The following TDRD9 variants were observed in gnomAD, a reference collection of about 807,000 sequenced individuals.
TDRD9 encodes the protein tudor domain containing 9.
TDRD9 carries 124 observed loss-of-function variants against 172.6 expected under a neutral mutation model. That is an observed-to-expected ratio of 0.72 (90% CI 0.62 to 0.83). The LOEUF (loss-of-function observed/expected upper bound fraction) is 0.83, where lower values mean the gene tolerates loss of function less well. Ranked by LOEUF, TDRD9 falls within the 40% of genes least tolerant of loss-of-function variation. The pLI is 0.00. For missense variants in TDRD9, 1,479 were observed against 1,714.1 expected (o/e 0.86, Z 2.42); for synonymous variants, 619 against 617.1 (o/e 1.00, Z -0.05).
At chr14:104,047,179 T>G (rs1270803497) in intron 34 of TDRD9, among the ~76,000 whole-genome samples, 2 of 152,256 alleles carry the variant, frequency 1.3e-5, no homozygotes, top group African/African-American at 4.8e-5. Context: ...AATACTGTTT[T>G]AGAATTTTCA....
At chr14:104,030,546 T>C (rs1337519121) in intron 28 of TDRD9, among the ~76,000 whole-genome samples, 1 of 152,248 alleles carries the variant, frequency 6.6e-6, no homozygotes, top group African/African-American at 2.4e-5. Context: ...TTTATTTCTC[T>C]TAAATTCTCT....
At chr14:103,976,367 A>G (rs1260276093) in intron 7 of TDRD9, among the ~76,000 whole-genome samples, 1 of 150,598 alleles carries the variant, frequency 6.6e-6, no homozygotes, top group Admixed American at 6.6e-5. Context: ...TCTGCCTTCC[A>G]GGTTCACACC....
chr14:104,036,916 A>T (rs2035466794), intron 32 of TDRD9, among the ~76,000 whole-genome samples: 1 of 151,562 alleles, frequency 6.6e-6, no homozygotes, highest in African/African-American at 2.4e-5. Flanking sequence ...GGCCTGGTTG[A>T]TTTTCCTCCA....
intron 30 of TDRD9, among the ~76,000 whole-genome samples, chr14:104,032,412 G>T (rs1199796346): frequency 6.6e-6 from 1 of 152,042 alleles, no homozygotes; most frequent in African/African-American, 2.4e-5. Context: ...TCACCACGTT[G>T]GTCAGGCTGG....
At chr14:103,970,872 T>C (rs1271895432) in intron 6 of TDRD9, among the ~76,000 whole-genome samples, 1 of 152,260 alleles carries the variant, frequency 6.6e-6, no homozygotes, top group Non-Finnish European at 1.5e-5. Context: ...GTAAATGCCA[T>C]GTAAATAGTT....
At chr14:103,939,401 T>A (rs932276246) in intron 1 of TDRD9, among the ~76,000 whole-genome samples, 2 of 152,206 alleles carry the variant, frequency 1.3e-5, no homozygotes, top group Non-Finnish European at 2.9e-5. Context: ...TAAGCAGTTG[T>A]GTACTTTTCG....
intron 35 of TDRD9, among the ~76,000 whole-genome samples, chr14:104,050,639 G>A (rs775819477): frequency 2.0e-5 from 3 of 152,120 alleles, no homozygotes; most frequent in Non-Finnish European, 4.4e-5. Context: ...TGTGAGGCTC[G>A]CCTGCTCCCC....
In TDRD9 at chr14:104,026,073, G is replaced by A. The variant is rs1410064746; in HGVS notation, c.2958G>A (p.Lys986=). The A allele has an allele frequency of 1.2e-6, 2 of 1,610,802 alleles. No homozygotes were observed. The highest frequency in any genetic ancestry group is 2.2e-5 in the South Asian group (2 of 90,976). ...AEVFFVDYGN[K]SHVDLHLLME... ...TATTCTTTGTAGATTATGGCAATAA[G>A]TCTCATGTAGATCTACATCTTTTGA... The change falls in exon 27 of 36, where the codon AAG becomes AAA. Residue 986 remains lysine, a synonymous_variant. Coordinates refer to ENST00000409874, the MANE Select transcript of TDRD9 (RefSeq NM_153046.3).
chr14:104,030,141 A>C (rs1460671477), intron 28 of TDRD9, among the ~76,000 whole-genome samples: 1 of 152,192 alleles, frequency 6.6e-6, no homozygotes, highest in East Asian at 1.9e-4. Flanking sequence ...CATACAAAAA[A>C]GTCCTGTAAA....
At chr14:104,018,324 G>A in intron 23 of TDRD9, 132 bp downstream of exon 23, 2 of 585,610 alleles carry the variant, frequency 3.4e-6, no homozygotes, top group Non-Finnish European at 6.0e-6. Context: ...TTGGCTTTCA[G>A]AATGTAGCTT....
intron 35 of TDRD9, among the ~76,000 whole-genome samples, chr14:104,050,683 C>T (rs2035912831): frequency 6.6e-6 from 1 of 152,170 alleles, no homozygotes; most frequent in Non-Finnish European, 1.5e-5. Flanking sequence ...CTTTAGAGAC[C>T]CCAAGGCTGA....
chr14:103,983,807 C>T (rs1336392548), intron 7 of TDRD9, among the ~76,000 whole-genome samples: 3 of 152,124 alleles, frequency 2.0e-5, no homozygotes, highest in African/African-American at 7.2e-5. Context: ...TTTGGAGGGC[C>T]TAGAAGGAGA....
intron 1 of TDRD9, among the ~76,000 whole-genome samples, chr14:103,951,698 T>C (rs991884188): frequency 6.6e-6 from 1 of 152,256 alleles, no homozygotes; most frequent in Non-Finnish European, 1.5e-5. Flanking sequence ...TCTCTGGTAC[T>C]AGCTACTAAT....
At chr14:104,011,756 C>T (rs888839980) in intron 20 of TDRD9, among the ~76,000 whole-genome samples, 1 of 152,110 alleles carries the variant, frequency 6.6e-6, no homozygotes, top group African/African-American at 2.4e-5. Flanking sequence ...TTTGTGTACT[C>T]TCATTGTTTC....
At chr14:103,946,367 A>G (rs181523358) in intron 1 of TDRD9, among the ~76,000 whole-genome samples, 1 of 152,246 alleles carries the variant, frequency 6.6e-6, no homozygotes, top group Admixed American at 6.5e-5. Context: ...GTTCATATTA[A>G]AAACTCTCAA....
chr14:103,953,029 C>T (rs554333351), intron 1 of TDRD9, among the ~76,000 whole-genome samples: 7 of 152,238 alleles, frequency 4.6e-5, no homozygotes, highest in South Asian at 4.1e-4. Context: ...CGTGAGCCAC[C>T]GTGCCCAGCC....
At position 104,006,694 on chromosome 14, in the gene TDRD9, A is replaced by T; in HGVS notation, c.1928A>T (p.His643Leu). 1 of 1,613,986 alleles carries T rather than the reference A, an allele frequency of 6.2e-7. No homozygotes were observed. Among genetic ancestry groups the T allele is most frequent in the Non-Finnish European group, 8.5e-7 (1 of 1,179,868 alleles). The part of the protein sequence containing the change: ...KNFFAMPFRQ[H>L]LDGYRNKVNF... ...TTTTTTGCAATGCCTTTCCGGCAGC[A>T]TCTCGATGGATATAGGTACTGAACA... is the stretch of plus-strand genomic sequence containing the variant. Residue 643 changes from histidine (H) to leucine (L), a missense_variant, in exon 17 of 36, where the codon CAT becomes CTT. By Grantham distance (99) the His-to-Leu change is moderately conservative (BLOSUM62 -3). Around this residue, in one of 3 missense-constraint regions of TDRD9, gnomAD observed 1,413 missense variants for 1,649.1 expected, o/e 0.86. Transcript: ENST00000409874.
chr14:104,000,751 C>T (rs557124371), intron 13 of TDRD9, among the ~76,000 whole-genome samples: 10 of 152,274 alleles, frequency 6.6e-5, no homozygotes, highest in African/African-American at 2.4e-4. Flanking sequence ...CGCCACTGCA[C>T]TCCAGCCTGG....
chr14:103,943,570 G>A (rs1200417091), intron 1 of TDRD9, among the ~76,000 whole-genome samples: 54 of 144,548 alleles, frequency 3.7e-4, no homozygotes, highest in African/African-American at 1.2e-3. Flanking sequence ...AGGCTGGTCC[G>A]TAAACTGGGC....
Sources: allele counts gnomAD v4.1 joint callset (sites outside exome capture counted in the v4.1 genomes callset), GRCh38; gene constraint gnomAD v4.1.1; regional missense constraint gnomAD v4.1.1; transcripts MANE v1.5; gene names NCBI Gene and HGNC (gene_info 2026-07-23, HGNC 2026-07-21).